The following FCN2 variants were observed in gnomAD, a reference collection of about 807,000 sequenced individuals.
FCN2 encodes the protein ficolin 2.
FCN2 carries 31 observed loss-of-function variants against 32.5 expected under a neutral mutation model. The ratio of observed to expected loss-of-function variants is 0.96; its 90% CI spans 0.72 to 1.29. The LOEUF is 1.29. Ranked by LOEUF, FCN2 falls within the 50% of genes most tolerant of loss-of-function variation. The probability of loss-of-function intolerance (pLI) is 0.00; values close to 1 mark genes in which losing one functional copy is unlikely to be tolerated. For missense variants in FCN2, 412 were observed against 406.5 expected, an observed-to-expected ratio of 1.01 and a Z score of -0.12; for synonymous variants, 181 against 164.5, an observed-to-expected ratio of 1.10 and a Z score of -0.77.
At chr9:134,885,206 G>A (rs375888273) in intron 4 of FCN2, 33 bp from the exon 5 acceptor site, 5 of 1,613,700 alleles carry the variant, frequency 3.1e-6, no homozygotes, top group Non-Finnish European at 3.4e-6. Flanking sequence ...CAGGGCTCCT[G>A]TCCTGCAGCC....
At chr9:134,886,593 T>A (rs752366985) in intron 7 of FCN2, 29 bp downstream of exon 7, 7 of 1,612,232 alleles carry the variant, frequency 4.3e-6, no homozygotes, top group Non-Finnish European at 5.9e-6. Flanking sequence ...CTGTGTGGCC[T>A]GGGCTTCTGA....
upstream of FCN2, among the ~76,000 whole-genome samples, chr9:134,877,675 T>C (rs1334755557): frequency 6.6e-6 from 1 of 152,182 alleles, no homozygotes; most frequent in Non-Finnish European, 1.5e-5. Context: ...CTTTGTGAGA[T>C]GGTGGTCATG....
At chr9:134,872,749 C>G in the FCN2 span, among the ~76,000 whole-genome samples, 1 of 152,116 alleles carries the variant, frequency 6.6e-6, no homozygotes, top group East Asian at 1.9e-4. Flanking sequence ...TACCTCCTAC[C>G]GGGTCCCTCC....
At chr9:134,876,698 C>T (rs1356313286), upstream of FCN2, among the ~76,000 whole-genome samples, 1 of 152,202 alleles carries the variant, frequency 6.6e-6, no homozygotes, top group Non-Finnish European at 1.5e-5. Flanking sequence ...CCTGCCTCAG[C>T]CTCCCGAGAA....
chr9:134,873,882 T>G, the FCN2 span, among the ~76,000 whole-genome samples: 2 of 46,332 alleles, frequency 4.3e-5, no homozygotes, highest in Admixed American at 1.8e-4. Context: ...TTTGTTTGTT[T>G]GTTTGTTTTG....
At chr9:134,881,326 G>A (rs908296134) in intron 1 of FCN2, among the ~76,000 whole-genome samples, 13 of 152,128 alleles carry the variant, frequency 8.5e-5, no homozygotes, top group East Asian at 3.9e-4. Flanking sequence ...ATAAGCACCC[G>A]GAAAGACAGG....
At chr9:134,877,073 A>G (rs924279458), upstream of FCN2, among the ~76,000 whole-genome samples, 1 of 152,078 alleles carries the variant, frequency 6.6e-6, no homozygotes, top group Non-Finnish European at 1.5e-5. Flanking sequence ...TCTTTTCTTC[A>G]GTCTGACTAG....
At chr9:134,882,465 A>G in intron 1 of FCN2, 61 bp from the exon 2 acceptor site, 1 of 1,345,046 alleles carries the variant, frequency 7.4e-7, no homozygotes, top group East Asian at 2.3e-5. Flanking sequence ...TGGTATATCT[A>G]TGGCTCAGTG....
chr9:134,885,493 A>AGATGACCGGT (rs1830736556), intron 5 of FCN2, 127 bp downstream of exon 5: 1 of 1,460,194 alleles, frequency 6.8e-7, no homozygotes, highest in African/African-American at 1.4e-5. Flanking sequence ...ATGATGGGGG[A>AGATGACCGGT]GATGACCGGT....
upstream of FCN2, among the ~76,000 whole-genome samples, chr9:134,876,450 TG>T (rs1830604355): frequency 6.6e-6 from 1 of 152,252 alleles, no homozygotes; most frequent in South Asian, 2.1e-4. Context: ...TATTTCTTCA[TG>T]GGCTCTCTTG....
upstream of FCN2, among the ~76,000 whole-genome samples, chr9:134,879,815 G>A (rs1457166839): frequency 6.6e-6 from 1 of 152,282 alleles, no homozygotes; most frequent in East Asian, 1.9e-4. Flanking sequence ...AAGGAAGAAG[G>A]CACCTCGGCA....
the FCN2 span, among the ~76,000 whole-genome samples, chr9:134,871,104 G>A: frequency 1.2e-4 from 19 of 152,266 alleles, no homozygotes; most frequent in African/African-American, 4.1e-4. Context: ...TTGATTGAGC[G>A]CTACGAAAGC....
At chr9:134,886,002 G>A (rs1830749147) in intron 6 of FCN2, 105 bp downstream of exon 6, 1 of 1,230,226 alleles carries the variant, frequency 8.1e-7, no homozygotes, top group South Asian at 1.5e-5. Context: ...GCCCACAGGG[G>A]ATTGGGCCCT....
At chr9:134,870,247 C>A in the FCN2 span, among the ~76,000 whole-genome samples, 1 of 152,214 alleles carries the variant, frequency 6.6e-6, no homozygotes, top group Non-Finnish European at 1.5e-5. This position sits in a 1 kb window ranked among gnomAD's most constrained non-coding sequence, Gnocchi z 4.3. Flanking sequence ...CATTGCCCCC[C>A]GAGGCAGCAG....
chr9:134,865,796 G>C, the FCN2 span, among the ~76,000 whole-genome samples: 2 of 152,046 alleles, frequency 1.3e-5, no homozygotes, highest in Non-Finnish European at 2.9e-5. Context: ...AAAGTCTCAG[G>C]ATACAAAATC....
intron 3 of FCN2, among the ~76,000 whole-genome samples, chr9:134,884,119 CCAA>C (rs1177802803): frequency 1.8e-4 from 28 of 152,096 alleles, no homozygotes; most frequent in African/African-American, 6.5e-4. Context: ...GAGAACCATG[CCAA>C]CAAGTTCCAA....
rs775178283 is a variant in FCN2 at position 134,880,817 on chromosome 9, A to T, written c.-5A>T. On this transcript the variant is annotated 5_prime_UTR_variant, in exon 1 of 8. Transcript: ENST00000291744. The stretch of plus-strand genomic sequence containing the variant: ...AGGCACCTTTTGAAGCAAAGACCAG[A>T]AGAGATGGAGCTGGACAGAGCTGTG... 1.5e-5 allele frequency: 24 copies of T among 1,612,018 alleles called. No individual in the cohort carries two copies. The highest frequency in any genetic ancestry group is 2.0e-5 in the Non-Finnish European group (24 of 1,178,670).
chr9:134,879,894 G>C (rs1163807568), upstream of FCN2, among the ~76,000 whole-genome samples: 1 of 152,124 alleles, frequency 6.6e-6, no homozygotes, highest in African/African-American at 2.4e-5. Flanking sequence ...CCGTCTCTGG[G>C]GGCTTTAGGT....
At chr9:134,877,852 G>A (rs900148092), upstream of FCN2, among the ~76,000 whole-genome samples, 2 of 152,182 alleles carry the variant, frequency 1.3e-5, no homozygotes, top group African/African-American at 2.4e-5. Context: ...GGTTAATACT[G>A]AGTGTCAACT....
Sources: gnomAD v4.1 joint callset for allele counts (sites outside exome capture counted in the v4.1 genomes callset) on GRCh38, gnomAD v4.1.1 for gene constraint, Gnocchi (gnomAD v3.1) non-coding constraint, MANE v1.5 for transcripts, NCBI Gene and HGNC (gene_info 2026-07-23, HGNC 2026-07-21) for gene names.